Variants in PPP3CA observed in about 807,000 individuals in gnomAD.
PPP3CA encodes protein phosphatase 3 catalytic subunit alpha.
In PPP3CA, 14 loss-of-function variants were observed where a neutral mutation model predicts 66.5. That is an observed-to-expected ratio of 0.21 (90% CI 0.14 to 0.33). The LOEUF is 0.33. PPP3CA is among the 10% of genes least tolerant of loss of function. The pLI, the probability that PPP3CA is intolerant of heterozygous loss-of-function variation, is 1.00. For missense variants in PPP3CA, 317 were observed against 639.5 expected, an observed-to-expected ratio of 0.50 and a Z score of 5.44; for synonymous variants, 232 against 226.2, an observed-to-expected ratio of 1.03 and a Z score of -0.23.
At chr4:101,171,273 C>G (rs368079419) in intron 2 of PPP3CA, 8 of 451,638 alleles carry the variant, frequency 1.8e-5, no homozygotes, top group African/African-American at 1.6e-4. Context: ...CAATCTCCCA[C>G]AATAGGAGCT....
chr4:101,182,913 G>A (rs891247746), intron 2 of PPP3CA, among the ~76,000 whole-genome samples: 9 of 152,054 alleles, frequency 5.9e-5, no homozygotes, highest in Admixed American at 1.3e-4. Context: ...CATGTAAAAT[G>A]TGACTTGCTC....
chr4:101,050,489 A>T (rs1727961668), intron 10 of PPP3CA, among the ~76,000 whole-genome samples: 1 of 152,154 alleles, frequency 6.6e-6, no homozygotes, highest in Non-Finnish European at 1.5e-5. Flanking sequence ...AAGTCTCTTT[A>T]AGGCTCACTT....
At chr4:101,282,454 T>A (rs1386063792) in intron 1 of PPP3CA, among the ~76,000 whole-genome samples, 1 of 152,196 alleles carries the variant, frequency 6.6e-6, no homozygotes, top group East Asian at 1.9e-4. Flanking sequence ...AGGTCCTGAA[T>A]TCCACTGGCC....
At chr4:101,346,075 CG>C (rs1284228658) in intron 1 of PPP3CA, among the ~76,000 whole-genome samples, 1 of 152,036 alleles carries the variant, frequency 6.6e-6, no homozygotes, top group African/African-American at 2.4e-5. Context: ...GCGCCCCCCG[CG>C]GCCACCCTCC....
chr4:101,118,982 A>T (rs1450737130), intron 2 of PPP3CA, among the ~76,000 whole-genome samples: 3 of 136,704 alleles, frequency 2.2e-5, no homozygotes, highest in African/African-American at 3.4e-5. Flanking sequence ...TTTTTTTTAA[A>T]CAATGAAGCA....
At chr4:101,031,322 T>C (rs1247484292) in intron 12 of PPP3CA, among the ~76,000 whole-genome samples, 2 of 152,182 alleles carry the variant, frequency 1.3e-5, no homozygotes, top group African/African-American at 2.4e-5. Context: ...CCGAGAATGT[T>C]TTGAAAAATG....
At chr4:101,123,547 C>T (rs1047051004) in intron 2 of PPP3CA, among the ~76,000 whole-genome samples, 2 of 152,092 alleles carry the variant, frequency 1.3e-5, no homozygotes, top group African/African-American at 4.8e-5. Context: ...TAACAAGGGA[C>T]AGGCCAGGCA....
chr4:101,036,018 C>T (rs1355926563), intron 11 of PPP3CA, among the ~76,000 whole-genome samples: 1 of 152,110 alleles, frequency 6.6e-6, no homozygotes, highest in African/African-American at 2.4e-5. Context: ...CTGTTAACCA[C>T]CTGAGACATG....
intron 2 of PPP3CA, among the ~76,000 whole-genome samples, chr4:101,156,506 C>T (rs564929338): frequency 3.9e-5 from 6 of 152,198 alleles, no homozygotes; most frequent in Non-Finnish European, 7.4e-5. Context: ...CATGGAGAAA[C>T]CCCGTCTCTA....
intron 10 of PPP3CA, among the ~76,000 whole-genome samples, chr4:101,040,943 A>G (rs1321964476): frequency 6.6e-6 from 1 of 152,110 alleles, no homozygotes; most frequent in East Asian, 1.9e-4. Context: ...GTACCTTATC[A>G]CCATCTTCTA....
intron 10 of PPP3CA, among the ~76,000 whole-genome samples, chr4:101,044,780 A>AAAG (rs986236777): frequency 2.0e-5 from 3 of 152,166 alleles, no homozygotes; most frequent in African/African-American, 7.2e-5. Flanking sequence ...GGGGATCTTT[A>AAAG]AAGATTTGCT....
intron 1 of PPP3CA, among the ~76,000 whole-genome samples, chr4:101,324,553 A>G (rs1469501323): frequency 6.6e-6 from 1 of 152,240 alleles, no homozygotes; most frequent in East Asian, 1.9e-4. Flanking sequence ...TTTAAAAAAA[A>G]TTAAAATACT....
At chr4:101,290,789 CCAA>C (rs1279087004) in intron 1 of PPP3CA, among the ~76,000 whole-genome samples, 1 of 152,198 alleles carries the variant, frequency 6.6e-6, no homozygotes, top group Non-Finnish European at 1.5e-5. Context: ...ATCTCCAGCA[CCAA>C]CAACAGGGCT....
Position 101,025,593 on chromosome 4 carries a change from GCTTT to G in PPP3CA, c.*268_*271del. ...AACATTGCAGTATATACTAGCATTA[GCTTT>G]CTTTTTAAAATTTTTTTTCTCTATA... On this transcript the variant is annotated 3_prime_UTR_variant, in exon 14 of 14. Coordinates refer to ENST00000394854, the MANE Select transcript of PPP3CA (RefSeq NM_000944.5). 9.9e-6 allele frequency: 3 copies of G among 303,880 alleles called. No homozygotes were observed. The highest frequency in any genetic ancestry group is 1.8e-5 in the Non-Finnish European group (3 of 164,704). The allele number at this position is 303,880 out of a possible 1,614,324, so 18.8% of individuals were successfully genotyped here. A position where few individuals can be genotyped will look rare whatever the true frequency, so the allele number is the denominator to read the frequency against.
At chr4:101,227,263 T>C (rs1725813822) in intron 1 of PPP3CA, among the ~76,000 whole-genome samples, 1 of 151,852 alleles carries the variant, frequency 6.6e-6, no homozygotes, top group Non-Finnish European at 1.5e-5. Context: ...CACTGGATTA[T>C]AATTTAAAGT....
chr4:101,130,234 A>G (rs1722386644), intron 2 of PPP3CA, among the ~76,000 whole-genome samples: 1 of 152,208 alleles, frequency 6.6e-6, no homozygotes, highest in Admixed American at 6.5e-5. Flanking sequence ...AAAGCCTCCA[A>G]GAAATACAGG....
Position 101,106,410 on chromosome 4 carries a change from AAAG to A in PPP3CA, c.384+2541_384+2543del, listed in dbSNP as rs1560604821. Among the ~76,000 whole-genome samples the A allele has an allele frequency of 3.8e-3, 39 of 10,238 alleles. 6 individuals carry two copies. The highest frequency in any genetic ancestry group is 0.013 in the African/African-American group (39 of 3,100). The allele number at this position is 10,238 out of a possible 152,430, so 6.7% of individuals were successfully genotyped here. A position where few individuals can be genotyped will look rare whatever the true frequency, so the allele number is the denominator to read the frequency against. Reference sequence around the variant, plus strand: ...GAAAGAAAGAAAGAAAGAAAGAAAGAAAGAAAGAAAGAAAGAAAGAAAGAAAGA... The same window carrying A: ...GAAAGAAAGAAAGAAAGAAAGAAAGAAAAGAAAGAAAGAAAGAAAGAAAGA... On this transcript the variant is annotated intron_variant, in intron 3 of 13. Coordinates refer to ENST00000394854, the MANE Select transcript of PPP3CA (RefSeq NM_000944.5).
intron 8 of PPP3CA, among the ~76,000 whole-genome samples, chr4:101,075,046 T>G (rs1373901495): frequency 6.6e-6 from 1 of 152,152 alleles, no homozygotes; most frequent in African/African-American, 2.4e-5. Context: ...GAACTCCCAT[T>G]TATAAAACCA....
chr4:101,124,722 AAAGAGAAAG>A (rs1722164863), intron 2 of PPP3CA, among the ~76,000 whole-genome samples: 24 of 74,318 alleles, frequency 3.2e-4, no homozygotes, highest in Non-Finnish European at 6.0e-4. Flanking sequence ...AGAAAGAAAG[AAAGAGAAAG>A]AAAGAAAGAA....
Sources: allele counts gnomAD v4.1 joint callset (sites outside exome capture counted in the v4.1 genomes callset), GRCh38; gene constraint gnomAD v4.1.1; transcripts MANE v1.5; gene names NCBI Gene and HGNC (gene_info 2026-07-23, HGNC 2026-07-21).